ESR1: variants seen among roughly 807,000 people sequenced by gnomAD.
ESR1 encodes the protein estrogen receptor 1, also known as estrogen receptor.
In ESR1, 12 loss-of-function variants were observed where a neutral mutation model predicts 52.7. That is an observed-to-expected ratio of 0.23 (90% CI 0.15 to 0.37). The LOEUF is 0.37. ESR1 is among the 10% of genes least tolerant of loss of function. The probability of loss-of-function intolerance (pLI) is 1.00; values close to 1 mark genes in which losing one functional copy is unlikely to be tolerated. For synonymous variants in ESR1, 305 were observed against 316.8 expected (o/e 0.96, Z 0.39); for missense variants, 584 against 779.7 (o/e 0.75, Z 2.99).
At chr6:151,948,194 T>G (rs2128546501) in intron 4 of ESR1, among the ~76,000 whole-genome samples, 1 of 150,366 alleles carries the variant, frequency 6.7e-6, no homozygotes, top group South Asian at 2.1e-4. Context: ...GTTTCAGTGT[T>G]AATGAAATAC....
chr6:151,890,003 GA>G (rs1250856217), intron 3 of ESR1, among the ~76,000 whole-genome samples: 6 of 151,546 alleles, frequency 4.0e-5, no homozygotes, highest in African/African-American at 9.7e-5. Context: ...TTTATGGTTG[GA>G]AAAAATACTT....
intron 2 of ESR1, among the ~76,000 whole-genome samples, chr6:151,723,371 C>T (rs1781596905): frequency 6.6e-6 from 1 of 152,174 alleles, no homozygotes; most frequent in Non-Finnish European, 1.5e-5. Context: ...CAAACTCCTG[C>T]GTGGGTGATA....
chr6:151,806,088 GA>G (rs1424185142), upstream of ESR1, among the ~76,000 whole-genome samples: 2 of 152,122 alleles, frequency 1.3e-5, no homozygotes, highest in African/African-American at 4.8e-5. Context: ...GTGATTTATG[GA>G]AATTAAATCA....
At chr6:151,678,009 C>T (rs1422165377) in intron 1 of ESR1, among the ~76,000 whole-genome samples, 1 of 152,042 alleles carries the variant, frequency 6.6e-6, no homozygotes, top group African/African-American at 2.4e-5. Context: ...AGTGTATACA[C>T]ATGGTGGCCT....
At chr6:151,856,172 A>G (rs1039804219) in intron 2 of ESR1, among the ~76,000 whole-genome samples, 1 of 152,190 alleles carries the variant, frequency 6.6e-6, no homozygotes, top group African/African-American at 2.4e-5. Flanking sequence ...CATGGGAGTG[A>G]TATTAATAAA....
chr6:151,852,975 C>A (rs1253734588), intron 2 of ESR1, among the ~76,000 whole-genome samples: 1 of 151,144 alleles, frequency 6.6e-6, no homozygotes, highest in Non-Finnish European at 1.5e-5. Flanking sequence ...AGATTGAGAC[C>A]ATCCTGGCCA....
chr6:151,938,695 CCCATAAGTTAACACCT>C (rs2128506055), intron 3 of ESR1, among the ~76,000 whole-genome samples: 1 of 152,238 alleles, frequency 6.6e-6, no homozygotes, highest in East Asian at 1.9e-4. Context: ...TTAATAAATT[CCCATAAGTTAACACCT>C]CCTAGGGTGG....
intron 2 of ESR1, among the ~76,000 whole-genome samples, chr6:151,869,985 T>C (rs899450401): frequency 6.6e-6 from 1 of 152,156 alleles, no homozygotes; most frequent in Non-Finnish European, 1.5e-5. Context: ...TCATGGCACA[T>C]TGAATGTCCT....
chr6:152,090,876 C>G (rs1016376187), intron 6 of ESR1, among the ~76,000 whole-genome samples: 1 of 152,206 alleles, frequency 6.6e-6, no homozygotes, highest in African/African-American at 2.4e-5. Context: ...TCCTAAATAT[C>G]CCCTTATTGG....
intron 5 of ESR1, among the ~76,000 whole-genome samples, chr6:152,016,619 G>T (rs2043190333): frequency 6.6e-6 from 1 of 152,202 alleles, no homozygotes; most frequent in Middle Eastern, 3.4e-3. Context: ...TTATGTCTTT[G>T]CCCTACAGGT....
chr6:151,990,588 G>C (rs2040915163), intron 4 of ESR1, among the ~76,000 whole-genome samples: 1 of 151,516 alleles, frequency 6.6e-6, no homozygotes, highest in Admixed American at 6.6e-5. Context: ...CCATTCCATG[G>C]GGAAGAACTA....
At chr6:152,027,830 C>T (rs1041341124) in intron 5 of ESR1, among the ~76,000 whole-genome samples, 5 of 152,058 alleles carry the variant, frequency 3.3e-5, no homozygotes, top group Admixed American at 3.3e-4. Context: ...CTTCTTGATT[C>T]TCTTGATTTA....
chr6:152,127,836 C>G (rs1269946675), exon 7 of ESR1: 1 of 152,150 alleles, frequency 6.6e-6, no homozygotes, highest in Non-Finnish European at 1.5e-5. Context: ...GCAAAAAACC[C>G]CCACTGCCCT....
chr6:152,106,132 A>C (rs1423467349), downstream of ESR1, among the ~76,000 whole-genome samples: 1 of 152,180 alleles, frequency 6.6e-6, no homozygotes, highest in Non-Finnish European at 1.5e-5. Flanking sequence ...ATTTCAAATT[A>C]ATAGTAACTT....
chr6:151,737,898 G>A (rs1356741545), intron 2 of ESR1, among the ~76,000 whole-genome samples: 1 of 152,098 alleles, frequency 6.6e-6, no homozygotes, highest in African/African-American at 2.4e-5. Flanking sequence ...TAAGGGAAGG[G>A]TTGCAAATAT....
At chr6:151,709,133 T>A (rs1258775647) in intron 2 of ESR1, among the ~76,000 whole-genome samples, 1 of 150,924 alleles carries the variant, frequency 6.6e-6, no homozygotes, top group Admixed American at 6.6e-5. Context: ...CTCCCACCCC[T>A]CTGCCCGACA....
chr6:151,740,069 C>T (rs892666580), intron 2 of ESR1, among the ~76,000 whole-genome samples: 16 of 152,046 alleles, frequency 1.1e-4, no homozygotes, highest in Non-Finnish European at 2.2e-4. Flanking sequence ...TATATTGAAA[C>T]AAATAGTCTC....
chr6:151,986,650 T>C (rs2040510245), intron 4 of ESR1, among the ~76,000 whole-genome samples: 1 of 152,158 alleles, frequency 6.6e-6, no homozygotes, highest in Non-Finnish European at 1.5e-5. Context: ...GGATATTAAA[T>C]GAAAAAGTGT....
At chr6:151,969,344 C>A (rs1047358121) in intron 4 of ESR1, among the ~76,000 whole-genome samples, 1 of 152,098 alleles carries the variant, frequency 6.6e-6, no homozygotes, top group Non-Finnish European at 1.5e-5. Flanking sequence ...AACCTGTAAT[C>A]AAAAATTGGC....
Sources: gnomAD v4.1 joint callset for allele counts (sites outside exome capture counted in the v4.1 genomes callset) on GRCh38, gnomAD v4.1.1 for gene constraint, MANE v1.5 for transcripts, NCBI Gene and HGNC (gene_info 2026-07-23, HGNC 2026-07-21) for gene names.